The following CCNY variants were observed in gnomAD, a reference collection of about 807,000 sequenced individuals.
CCNY encodes cyclin Y.
A neutral mutation model predicts 42.8 loss-of-function variants in CCNY; 19 were observed. The ratio of observed to expected loss-of-function variants is 0.44; its 90% CI spans 0.31 to 0.65. The LOEUF is 0.65. CCNY is among the 30% of genes least tolerant of loss of function. The probability of loss-of-function intolerance (pLI) is 0.07; values close to 1 mark genes in which losing one functional copy is unlikely to be tolerated. For synonymous variants in CCNY, 165 were observed against 162.7 expected (o/e 1.01, Z -0.11); for missense variants, 370 against 437.3 (o/e 0.85, Z 1.37).
intron 3 of CCNY, among the ~76,000 whole-genome samples, chr10:35,254,792 C>T (rs1204092074): frequency 1.5e-5 from 2 of 136,846 alleles, no homozygotes; most frequent in African/African-American, 5.6e-5. Context: ...GATCGTGCCA[C>T]TGCACTCCAG....
At chr10:35,495,791 G>A (rs915228132) in intron 2 of CCNY, among the ~76,000 whole-genome samples, 2 of 152,144 alleles carry the variant, frequency 1.3e-5, no homozygotes, top group African/African-American at 4.8e-5. Context: ...TGTCCTGGCC[G>A]TTTGTGTTCA....
intron 1 of CCNY, among the ~76,000 whole-genome samples, chr10:35,406,181 C>CT (rs57343974): frequency 0.37 from 49,305 of 133,154 alleles, 9,195 homozygotes; most frequent in Admixed American, 0.41. Flanking sequence ...GGAGCTTTTT[C>CT]TTTTTTTTTT....
chr10:35,525,124 T>C lies in CCNY; in HGVS notation c.366-840T>C, dbSNP rs73266795. 5.0e-3 allele frequency among the ~76,000 whole-genome samples: 767 copies of C among 152,280 alleles called. 5 individuals are homozygous for C. The highest frequency in any genetic ancestry group is 0.018 in the African/African-American group (737 of 41,550). The stretch of plus-strand genomic sequence containing the variant: ...AGTTAAGTAAATTATTCGACAATCA[T>C]ATGAAGGAATATAATCAGCCATTTA... On this transcript the variant is annotated intron_variant, in intron 4 of 9. Transcript: ENST00000374704.
chr10:35,420,874 T>C (rs1363644761), intron 1 of CCNY, among the ~76,000 whole-genome samples: 2 of 152,270 alleles, frequency 1.3e-5, no homozygotes, highest in South Asian at 4.1e-4. Context: ...AAATCTTATT[T>C]GAACTCTGTG....
At position 35,464,271 on chromosome 10, in the gene CCNY, A is replaced by G. The variant is rs150231566; in HGVS notation, c.155-19133A>G. On this transcript the variant is annotated intron_variant, in intron 1 of 9. Coordinates refer to ENST00000374704, the MANE Select transcript of CCNY (RefSeq NM_145012.6). ...TCCTTGTCCTCATGTTCCAGCTTTC[A>G]TTACTTACCAGGTGCATCCCGTCTC... is the stretch of plus-strand genomic sequence containing the variant. Among the ~76,000 whole-genome samples, 25 of 152,156 alleles carry G rather than the reference A, an allele frequency of 1.6e-4. No homozygotes were observed. The East Asian group carries it at 3.3e-3, about 20-fold the overall frequency.
upstream of CCNY, among the ~76,000 whole-genome samples, chr10:35,333,235 G>A (rs1835966577): frequency 6.6e-6 from 1 of 151,038 alleles, no homozygotes; most frequent in Non-Finnish European, 1.5e-5. Flanking sequence ...TCCACATTCT[G>A]GGCTAGATCC....
chr10:35,341,323 T>TTCAA (rs1344938666), intron 1 of CCNY, among the ~76,000 whole-genome samples: 3 of 152,190 alleles, frequency 2.0e-5, no homozygotes, highest in Non-Finnish European at 4.4e-5. Flanking sequence ...GCAGCCTTGG[T>TTCAA]TCAAGCCTGA....
At chr10:35,355,678 CAAAAAAAAAAAAAAAA>C (rs60257114) in intron 1 of CCNY, among the ~76,000 whole-genome samples, 2 of 57,416 alleles carry the variant, frequency 3.5e-5, no homozygotes, top group East Asian at 1.2e-3. Context: ...ATACTGTCTC[CAAAAAAAAAAAAAAAA>C]AAAAAAAAAA....
intron 3 of CCNY, among the ~76,000 whole-genome samples, chr10:35,502,123 C>T (rs1840122915): frequency 6.6e-6 from 1 of 152,200 alleles, no homozygotes; most frequent in East Asian, 1.9e-4. Flanking sequence ...GCAGGTGCCC[C>T]ATTGAGATAC....
At chr10:35,551,197 CAGTG>C (rs1012756370) in intron 7 of CCNY, among the ~76,000 whole-genome samples, 2 of 152,180 alleles carry the variant, frequency 1.3e-5, no homozygotes, top group Non-Finnish European at 2.9e-5. Flanking sequence ...CTCTCCCAAT[CAGTG>C]TTAATTACCC....
At position 35,483,209 on chromosome 10, in the gene CCNY, T is replaced by C. The variant is rs551000055; in HGVS notation, c.155-195T>C. 3.3e-5 allele frequency among the ~76,000 whole-genome samples: 5 copies of C among 152,346 alleles called. No individual in the cohort carries two copies. The South Asian group carries it at 1.0e-3, about 32-fold the overall frequency. On this transcript the variant is annotated intron_variant, in intron 1 of 9. Coordinates refer to ENST00000374704, the MANE Select transcript of CCNY (RefSeq NM_145012.6). The stretch of plus-strand genomic sequence containing the variant: ...TAGATGTCTAGCCAACTGTCTAATT[T>C]TTATGTATGACTTTCATATTTCTAA...
chr10:35,442,242 T>TA (rs1410512394), intron 1 of CCNY, among the ~76,000 whole-genome samples: 2 of 152,134 alleles, frequency 1.3e-5, no homozygotes, highest in African/African-American at 2.4e-5. Context: ...TCCAAGGGCT[T>TA]ATGGTGGTGG....
chr10:35,371,538 C>T (rs1052261107), intron 1 of CCNY, among the ~76,000 whole-genome samples: 1 of 152,192 alleles, frequency 6.6e-6, no homozygotes, highest in Non-Finnish European at 1.5e-5. Flanking sequence ...CTCCACCTGC[C>T]TTTCTTAATG....
At chr10:35,399,845 C>A (rs1306184389) in intron 1 of CCNY, among the ~76,000 whole-genome samples, 1 of 152,028 alleles carries the variant, frequency 6.6e-6, no homozygotes, top group Non-Finnish European at 1.5e-5. Context: ...ATGTAGCAAA[C>A]CCTGAGAAGA....
intron 1 of CCNY, among the ~76,000 whole-genome samples, chr10:35,400,530 A>G (rs1165654126): frequency 6.6e-6 from 1 of 152,186 alleles, no homozygotes; most frequent in East Asian, 1.9e-4. Flanking sequence ...GAGAAAGCAT[A>G]TTTCTGTTTT....
At position 35,275,969 on chromosome 10, in the gene CCNY, T is replaced by C. The variant is rs574827193; in HGVS notation, c.-9+25343T>C. Among the ~76,000 whole-genome samples the C allele has an allele frequency of 3.3e-5, 5 of 152,328 alleles. No individual in the cohort carries two copies. The East Asian group carries it at 9.6e-4, about 29-fold the overall frequency. On this transcript the variant is annotated intron_variant, in intron 3 of 11. Transcript: ENST00000374706. ...TCTATCCAATAATCCTCAAAAAGTT[T>C]AGGTATTCCCCTTTCACCTAGGCAT...
At chr10:35,286,575 C>T (rs1466987222) in intron 3 of CCNY, among the ~76,000 whole-genome samples, 2 of 151,388 alleles carry the variant, frequency 1.3e-5, no homozygotes, top group African/African-American at 2.4e-5. Flanking sequence ...GCCATGGTTT[C>T]GAACTCCTGA....
chr10:35,549,614 A>G (rs1292941564), intron 7 of CCNY, among the ~76,000 whole-genome samples: 10 of 95,428 alleles, frequency 1.0e-4, no homozygotes, highest in African/African-American at 1.3e-4. Flanking sequence ...GCTGCTCATG[A>G]CACATGACCC....
At chr10:35,265,074 A>T (rs997961013) in intron 3 of CCNY, among the ~76,000 whole-genome samples, 1 of 152,144 alleles carries the variant, frequency 6.6e-6, no homozygotes, top group Admixed American at 6.6e-5. Context: ...CTTCACTCTG[A>T]TGATAGTTCA....
Sources: gnomAD v4.1 joint callset for allele counts (sites outside exome capture counted in the v4.1 genomes callset) on GRCh38, gnomAD v4.1.1 for gene constraint, MANE v1.5 for transcripts, NCBI Gene and HGNC (gene_info 2026-07-23, HGNC 2026-07-21) for gene names.